Variants in CTBS observed in about 807,000 individuals in gnomAD.
CTBS encodes the protein di-N-acetylchitobiase.
CTBS carries 35 observed loss-of-function variants against 44.3 expected under a neutral mutation model. That is an observed-to-expected ratio of 0.79 (90% CI 0.60 to 1.05). CTBS has a LOEUF of 1.05. CTBS is among the 50% of genes least tolerant of loss of function. CTBS has a pLI of 0.00. For synonymous variants in CTBS, 143 were observed against 168.0 expected, an observed-to-expected ratio of 0.85 and a Z score of 1.15; for missense variants, 458 against 475.3, an observed-to-expected ratio of 0.96 and a Z score of 0.34.
chr1:84,550,729 A>C lies in CTBS; in HGVS notation c.*4270T>G. On this transcript the variant is annotated 3_prime_UTR_variant, in exon 7 of 7. Coordinates refer to ENST00000370630, the MANE Select transcript of CTBS (RefSeq NM_004388.3). ...AAACCTGTGAAAAGATACATGATATAATAAAGCCAAAGTAAAATTTAGTAA... is the reference window on the plus strand; with the variant it reads ...AAACCTGTGAAAAGATACATGATATCATAAAGCCAAAGTAAAATTTAGTAA... 1 of 1,134,152 alleles carries C rather than the reference A, an allele frequency of 8.8e-7. No homozygotes were observed. The highest frequency in any genetic ancestry group is 1.1e-6 in the Non-Finnish European group (1 of 920,408). 70.3% of individuals were successfully genotyped at this position (1,134,152 alleles called of 1,614,324 possible).
intron 6 of CTBS, among the ~76,000 whole-genome samples, chr1:84,559,432 C>G (rs1684546232): frequency 6.6e-6 from 1 of 152,072 alleles, no homozygotes; most frequent in Admixed American, 6.6e-5. Context: ...ACCAGCCTGG[C>G]CAACATGGTG....
At chr1:84,561,196 A>G (rs1684588788) in intron 6 of CTBS, among the ~76,000 whole-genome samples, 1 of 152,228 alleles carries the variant, frequency 6.6e-6, no homozygotes, top group Non-Finnish European at 1.5e-5. Flanking sequence ...GAGGAGGTCA[A>G]AATATCAACA....
At chr1:84,564,713 A>C (rs1227338094) in intron 4 of CTBS, among the ~76,000 whole-genome samples, 1 of 152,190 alleles carries the variant, frequency 6.6e-6, no homozygotes, top group Non-Finnish European at 1.5e-5. Context: ...ATTAATAATT[A>C]CTTCGTAATT....
intron 6 of CTBS, among the ~76,000 whole-genome samples, chr1:84,556,866 A>C (rs1243196135): frequency 6.6e-6 from 1 of 152,162 alleles, no homozygotes; most frequent in African/African-American, 2.4e-5. Context: ...AACTAGACAA[A>C]GCCATGCATG....
At position 84,574,369 on chromosome 1, in the gene CTBS, G is replaced by C; in HGVS notation, c.47C>G (p.Pro16Arg). Residue 16 changes from proline to arginine, a missense_variant, in exon 1 of 7, where the codon CCG (proline) becomes CGG (arginine). Transcript: ENST00000370630. The part of the protein sequence containing the change: ...LRRWRLVSSP[P>R]SGVPGLALLA... ...CAGCGCTAGACCCGGGACGCCGCTC[G>C]GCGGGCTAGAGACGAGGCGCCAGCG... 2.6e-6 allele frequency: 4 copies of C among 1,567,950 alleles called. No individual in the cohort carries two copies. The highest frequency in any genetic ancestry group is 2.4e-5 in the East Asian group (1 of 42,370).
At chr1:84,569,316 ACTTTT>A (rs1444484788) in intron 3 of CTBS, among the ~76,000 whole-genome samples, 1 of 152,168 alleles carries the variant, frequency 6.6e-6, no homozygotes, top group Non-Finnish European at 1.5e-5. Flanking sequence ...ACACATGCTT[ACTTTT>A]CCTTAAGACC....
At chr1:84,557,554 G>GAAAA (rs1179521999) in intron 6 of CTBS, among the ~76,000 whole-genome samples, 2 of 70,152 alleles carry the variant, frequency 2.9e-5, no homozygotes, top group African/African-American at 1.9e-4. Flanking sequence ...AAAAAAAAAA[G>GAAAA]AAAAAAAAAA....
intron 6 of CTBS, chr1:84,555,938 C>T (rs902944234): frequency 3.3e-5 from 5 of 152,158 alleles, no homozygotes; most frequent in African/African-American, 7.2e-5. Context: ...GCTAGGAGGT[C>T]TACAGAAGAT....
At chr1:84,560,098 AAAGAAAGAAAGAAAG>A (rs1165390788) in intron 6 of CTBS, among the ~76,000 whole-genome samples, 355 of 34,110 alleles carry the variant, frequency 0.01, 2 homozygotes, top group African/African-American at 0.034. Flanking sequence ...AAAAAAAAAA[AAAGAAAGAAAGAAAG>A]AAAGAAAGAA....
rs1684370404 is a variant in CTBS, at chr1:84,554,538, T to C, written c.*461A>G. 2 of 158,268 alleles carry C rather than the reference T, an allele frequency of 1.3e-5. No individual in the cohort carries two copies. The highest frequency in any genetic ancestry group is 2.4e-5 in the African/African-American group (1 of 41,470). 9.8% of individuals were successfully genotyped at this position (158,268 alleles called of 1,614,324 possible). The stretch of plus-strand genomic sequence containing the variant: ...AACCTAAAGGGGAGACACTACATTG[T>C]AGGTTTTAAATTTAAGATTTATTGG... On this transcript the variant is annotated 3_prime_UTR_variant, in exon 7 of 7. Coordinates refer to ENST00000370630, the MANE Select transcript of CTBS (RefSeq NM_004388.3).
At chr1:84,562,465 A>G (rs1374959423) in intron 6 of CTBS, among the ~76,000 whole-genome samples, 1 of 152,212 alleles carries the variant, frequency 6.6e-6, no homozygotes, top group African/African-American at 2.4e-5. Context: ...TCATTTTTTT[A>G]TAAATGGGTA....
At position 84,554,261 on chromosome 1, in the gene CTBS, T is replaced by C. The variant is rs1684360878; in HGVS notation, c.*738A>G. The C allele has an allele frequency of 6.6e-6, 1 of 152,230 alleles. No individual in the cohort carries two copies. Among genetic ancestry groups the C allele is most frequent in the Non-Finnish European group, 1.5e-5 (1 of 68,034 alleles). 9.4% of individuals were successfully genotyped at this position (152,230 alleles called of 1,614,324 possible). On this transcript the variant is annotated 3_prime_UTR_variant, in exon 7 of 7. Coordinates refer to ENST00000370630, the MANE Select transcript of CTBS (RefSeq NM_004388.3). ...GACAGTGAACAGAATCAAGTTCAAC[T>C]GCAAGTTATTCCTATTATTAAAAAT...
At chr1:84,574,201 T>C in intron 1 of CTBS, 38 bp downstream of exon 1, 1 of 1,591,470 alleles carries the variant, frequency 6.3e-7, no homozygotes, top group Non-Finnish European at 8.5e-7. Context: ...CTTCGTGCCC[T>C]GAAGCCCAGA....
chr1:84,554,845 G>T lies in CTBS; in HGVS notation c.*154C>A. 1.6e-6 allele frequency: 1 copy of T among 622,670 alleles called. No homozygotes were observed. 38.6% of individuals were successfully genotyped at this position (622,670 alleles called of 1,614,324 possible). On this transcript the variant is annotated 3_prime_UTR_variant, in exon 7 of 7. Coordinates refer to ENST00000370630, the MANE Select transcript of CTBS (RefSeq NM_004388.3). ...TCCTGGATACTGAGGACATTCGTGT[G>T]TATTTTTCAAATTCAAACAATCAAA... is the stretch of plus-strand genomic sequence containing the variant.
rs1684216502 is a variant in CTBS, at chr1:84,549,849, T to C, written c.*5150A>G. ...ATAAAGTCCAAATAGGCTCAAGTAATGGTTTGTCCATAGTAGTTGGTACTT... is the reference window on the plus strand; with the variant it reads ...ATAAAGTCCAAATAGGCTCAAGTAACGGTTTGTCCATAGTAGTTGGTACTT... On this transcript the variant is annotated 3_prime_UTR_variant, in exon 7 of 7. Coordinates refer to ENST00000370630, the MANE Select transcript of CTBS (RefSeq NM_004388.3). 1 of 148,488 alleles carries C rather than the reference T, an allele frequency of 6.7e-6. No homozygotes were observed. The highest frequency in any genetic ancestry group is 1.5e-5 in the Non-Finnish European group (1 of 67,576). 9.2% of individuals were successfully genotyped at this position (148,488 alleles called of 1,614,324 possible).
At chr1:84,567,833 T>G (rs1684728238) in intron 3 of CTBS, among the ~76,000 whole-genome samples, 1 of 152,194 alleles carries the variant, frequency 6.6e-6, no homozygotes, top group South Asian at 2.1e-4. Flanking sequence ...ATTAATTCAT[T>G]TAATATGTAT....
intron 6 of CTBS, among the ~76,000 whole-genome samples, chr1:84,560,540 A>G (rs796336091): frequency 2.6e-5 from 4 of 152,308 alleles, no homozygotes; most frequent in African/African-American, 7.2e-5. Flanking sequence ...TGTCGGGTAA[A>G]ATTATGATCA....
chr1:84,554,911 AG>A lies in CTBS; in HGVS notation c.*87del. ...TTTTTTTTAGTATACGGATAACAAA[AG>A]TATATAGCAACATAATAAAAATGCA... On this transcript the variant is annotated 3_prime_UTR_variant, in exon 7 of 7. Coordinates refer to ENST00000370630, the MANE Select transcript of CTBS (RefSeq NM_004388.3). 9.9e-7 allele frequency: 1 copy of A among 1,013,702 alleles called. No individual in the cohort carries two copies. Among genetic ancestry groups the A allele is most frequent in the South Asian group, 1.6e-5 (1 of 62,828 alleles). 62.8% of individuals were successfully genotyped at this position (1,013,702 alleles called of 1,614,324 possible). A position where few individuals can be genotyped will look rare whatever the true frequency, so the allele number is the denominator to read the frequency against.
intron 3 of CTBS, among the ~76,000 whole-genome samples, chr1:84,569,036 A>T (rs1647215312): frequency 6.6e-6 from 1 of 152,188 alleles, no homozygotes; most frequent in African/African-American, 2.4e-5. Context: ...TATTTTAAAC[A>T]AGCACTCTCA....
Sources: allele counts gnomAD v4.1 joint callset (sites outside exome capture counted in the v4.1 genomes callset), GRCh38; gene constraint gnomAD v4.1.1; transcripts MANE v1.5; gene names NCBI Gene and HGNC (gene_info 2026-07-23, HGNC 2026-07-21).